The following MLC1 variants were observed in gnomAD, a reference collection of about 807,000 sequenced individuals.
The protein encoded by MLC1 is modulator of VRAC current 1, also known as membrane protein MLC1.
Under a neutral mutation model 44.7 loss-of-function variants are expected in MLC1, and 32 were observed. The ratio of observed to expected loss-of-function variants is 0.72; its 90% confidence interval spans 0.54 to 0.96. The LOEUF is 0.96. MLC1 is among the 40% of genes least tolerant of loss of function. The probability of loss-of-function intolerance (pLI) is 0.00; values close to 1 mark genes in which losing one functional copy is unlikely to be tolerated. For missense variants in MLC1, 459 were observed against 492.2 expected, an observed-to-expected ratio of 0.93 and a Z score of 0.64; for synonymous variants, 190 against 213.0, an observed-to-expected ratio of 0.89 and a Z score of 0.94.
At chr22:50,084,324 G>T (rs1287700940) in intron 2 of MLC1, among the ~76,000 whole-genome samples, 2 of 152,146 alleles carry the variant, frequency 1.3e-5, no homozygotes, top group Non-Finnish European at 2.9e-5. Flanking sequence ...TCCCTAGGAG[G>T]AGGAGGTCCC....
chr22:50,068,696 G>T, intron 9 of MLC1, 141 bp from the exon 10 acceptor site: 4 of 777,516 alleles, frequency 5.1e-6, no homozygotes, highest in Non-Finnish European at 8.4e-6. Flanking sequence ...GACTCCTGCT[G>T]AAACCTCTGC....
rs572952929 is a variant in MLC1 at position 50,068,612 on chromosome 22, C to T, written c.772-57G>A. On this transcript the variant is annotated intron_variant, in intron 9 of 11. Coordinates refer to ENST00000311597, the MANE Select transcript of MLC1 (RefSeq NM_015166.4). The stretch of plus-strand genomic sequence containing the variant: ...GCCGGAGCCTGGGAGCCCAGGACAG[C>T]GGGCGTGGCCAGGGCTGGGGGGGCG... The T allele has an allele frequency of 2.0e-4, 173 of 856,666 alleles. 9 individuals are homozygous for T. The East Asian group carries it at 6.4e-3, about 32-fold the overall frequency. 53.1% of individuals were successfully genotyped at this position (856,666 alleles called of 1,614,324 possible).
In MLC1 at chr22:50,077,465, A is replaced by G; in HGVS notation, c.461T>C (p.Leu154Pro). The G allele has an allele frequency of 1.2e-6, 2 of 1,613,904 alleles. No individual in the cohort carries two copies. Among genetic ancestry groups the G allele is most frequent in the Non-Finnish European group, 1.7e-6 (2 of 1,180,014 alleles). Reference protein sequence around the residue: ...FNLILLLLLELLMAATVIIAA... With the variant: ...FNLILLLLLEPLMAATVIIAA... Reference sequence around the variant, plus strand: ...GATGATCACCGTGGCCGCCATGAGCAGCTCCAGCAGGAGCAGCAGGATGAG... The same window carrying G: ...GATGATCACCGTGGCCGCCATGAGCGGCTCCAGCAGGAGCAGCAGGATGAG... The change falls in exon 6 of 12, where the codon CTG becomes CCG. Residue 154 changes from leucine (L) to proline (P), a missense_variant. Physicochemically the swap from Leu to Pro is moderately conservative, Grantham distance 98. Coordinates refer to ENST00000311597, the MANE Select transcript of MLC1 (RefSeq NM_015166.4).
At chr22:50,063,528 G>A (rs73183370) in intron 11 of MLC1, among the ~76,000 whole-genome samples, 1 of 151,512 alleles carries the variant, frequency 6.6e-6, no homozygotes, top group East Asian at 1.9e-4. Context: ...GGTTTTTCTG[G>A]GGTGTTTTTA....
intron 8 of MLC1, among the ~76,000 whole-genome samples, chr22:50,071,569 G>A (rs113444252): frequency 2.7e-3 from 406 of 152,242 alleles, no homozygotes; most frequent in African/African-American, 9.2e-3. Context: ...TCGGGCCTCC[G>A]TGTGGGACAG....
chr22:50,060,811 G>A lies in MLC1; in HGVS notation c.*772C>T, dbSNP rs1040762052. On this transcript the variant is annotated 3_prime_UTR_variant, in exon 12 of 12. Transcript: ENST00000311597. ...TGCCCGGGACGTGGGCAGCGGCCAC[G>A]TGGCACTCCAAGCTGGGCATGACAG... 3 of 140,538 alleles carry A rather than the reference G, an allele frequency of 2.1e-5. No individual in the cohort carries two copies. The highest frequency in any genetic ancestry group is 5.3e-5 in the African/African-American group (2 of 37,450). 8.7% of individuals were successfully genotyped at this position (140,538 alleles called of 1,614,324 possible).
chr22:50,079,868 G>T, intron 5 of MLC1, 50 bp downstream of exon 5: 2 of 1,268,764 alleles, frequency 1.6e-6, no homozygotes, highest in African/African-American at 1.5e-5. Flanking sequence ...CCATTCGTGG[G>T]AGTGGGGCTG....
intron 5 of MLC1, among the ~76,000 whole-genome samples, chr22:50,078,830 C>T (rs979479800): frequency 1.2e-4 from 18 of 152,010 alleles, no homozygotes; most frequent in African/African-American, 4.1e-4. Flanking sequence ...CTTTTATTTT[C>T]TGTATTTCTG....
intron 5 of MLC1, among the ~76,000 whole-genome samples, chr22:50,079,379 G>C (rs2146899559): frequency 1.3e-5 from 2 of 150,852 alleles, no homozygotes; most frequent in East Asian, 1.9e-4. Context: ...GAGTGGCCAG[G>C]ACATACTCAA....
At chr22:50,076,353 G>A (rs980695152) in intron 7 of MLC1, among the ~76,000 whole-genome samples, 21 of 152,082 alleles carry the variant, frequency 1.4e-4, no homozygotes, top group Admixed American at 4.6e-4. Context: ...TCAGGAGTTC[G>A]AGACCAGCCT....
At chr22:50,071,541 G>A (rs908413340) in intron 8 of MLC1, among the ~76,000 whole-genome samples, 2 of 152,190 alleles carry the variant, frequency 1.3e-5, no homozygotes, top group African/African-American at 2.4e-5. Context: ...TCTGGGGGGT[G>A]CAGCCCATCA....
chr22:50,079,527 A>T (rs1201279745), intron 5 of MLC1, among the ~76,000 whole-genome samples: 3 of 78,258 alleles, frequency 3.8e-5, no homozygotes, highest in Admixed American at 1.9e-4. Flanking sequence ...TTTTTTTGAG[A>T]CGGAGTCTTG....
At chr22:50,070,713 A>C (rs1602007950) in intron 8 of MLC1, 130 bp from the exon 9 acceptor site, 2 of 971,954 alleles carry the variant, frequency 2.1e-6, no homozygotes, top group Non-Finnish European at 3.2e-6. Context: ...GGCAGGGGGG[A>C]TGGTGCAGTG....
At chr22:50,075,161 G>A (rs1024415928) in intron 7 of MLC1, among the ~76,000 whole-genome samples, 1 of 149,060 alleles carries the variant, frequency 6.7e-6, no homozygotes, top group Non-Finnish European at 1.5e-5. Context: ...GCCAGACTCA[G>A]GGAGGGGCCG....
At chr22:50,072,526 G>A (rs919348704) in intron 8 of MLC1, among the ~76,000 whole-genome samples, 2 of 152,210 alleles carry the variant, frequency 1.3e-5, no homozygotes, top group Non-Finnish European at 1.5e-5. Context: ...TGGGCAGGGG[G>A]TGCTCTCCGG....
chr22:50,077,555 G>T, intron 5 of MLC1, 53 bp from the exon 6 acceptor site: 2 of 1,441,110 alleles, frequency 1.4e-6, no homozygotes, highest in Non-Finnish European at 1.9e-6. Context: ...TCACGCCACC[G>T]CGCTTCAGCG....
At chr22:50,070,666 C>G (rs2061829404) in intron 8 of MLC1, 83 bp from the exon 9 acceptor site, 1 of 1,414,862 alleles carries the variant, frequency 7.1e-7, no homozygotes, top group African/African-American at 1.4e-5. Context: ...CACCAGTGAC[C>G]CCTCCATGCA....
chr22:50,063,350 G>A (rs1214565732), intron 11 of MLC1, among the ~76,000 whole-genome samples: 1 of 151,602 alleles, frequency 6.6e-6, no homozygotes, highest in Admixed American at 6.6e-5. Flanking sequence ...GCGGGTGCCT[G>A]TAGTCCCAGC....
intron 11 of MLC1, among the ~76,000 whole-genome samples, chr22:50,062,620 G>T (rs1388430737): frequency 1.3e-5 from 2 of 152,262 alleles, no homozygotes; most frequent in Non-Finnish European, 2.9e-5. Context: ...GGCACTGGAG[G>T]CTCTGCACCA....
Sources: gnomAD v4.1 joint callset for allele counts (sites outside exome capture counted in the v4.1 genomes callset) on GRCh38, gnomAD v4.1.1 for gene constraint, MANE v1.5 for transcripts, NCBI Gene and HGNC (gene_info 2026-07-23, HGNC 2026-07-21) for gene names.